ATXN7L1: variants seen among roughly 807,000 people sequenced by gnomAD.
ATXN7L1 encodes the protein ataxin 7 like 1.
A neutral mutation model predicts 70.8 loss-of-function variants in ATXN7L1; 15 were observed. The ratio of observed to expected loss-of-function variants is 0.21; its 90% CI spans 0.14 to 0.33. The LOEUF (loss-of-function observed/expected upper bound fraction) is 0.33, where lower values mean the gene tolerates loss of function less well. Among genes scored for constraint, ATXN7L1 ranks in the 10% least tolerant of loss-of-function variants. The pLI, the probability that ATXN7L1 is intolerant of heterozygous loss-of-function variation, is 1.00. For synonymous variants in ATXN7L1, 440 were observed against 445.1 expected (o/e 0.99, Z 0.14); for missense variants, 975 against 1,097.1 (o/e 0.89, Z 1.57).
intron 2 of ATXN7L1, among the ~76,000 whole-genome samples, chr7:105,824,251 C>G (rs1810548191): frequency 6.6e-6 from 1 of 152,078 alleles, no homozygotes; most frequent in African/African-American, 2.4e-5. Flanking sequence ...TACAATGGGC[C>G]ACCAGTAAAA....
intron 2 of ATXN7L1, among the ~76,000 whole-genome samples, chr7:105,854,589 G>A (rs959467734): frequency 3.3e-5 from 5 of 149,766 alleles, no homozygotes; most frequent in African/African-American, 9.8e-5. Context: ...CCTCAAAATT[G>A]CTTTCTTCTG....
At chr7:105,727,795 T>C (rs1196441173) in intron 3 of ATXN7L1, among the ~76,000 whole-genome samples, 53 of 104,304 alleles carry the variant, frequency 5.1e-4, no homozygotes, top group African/African-American at 1.7e-3. Context: ...CATACACACA[T>C]ATATATATGT....
intron 3 of ATXN7L1, chr7:105,788,258 G>C (rs966898266): frequency 2.6e-5 from 6 of 232,572 alleles, no homozygotes; most frequent in African/African-American, 8.8e-5. Flanking sequence ...CCTCTTTCAG[G>C]GGGAGAAAAT....
At chr7:105,727,894 A>G (rs1796100691) in intron 3 of ATXN7L1, among the ~76,000 whole-genome samples, 1 of 150,252 alleles carries the variant, frequency 6.7e-6, no homozygotes, top group Non-Finnish European at 1.5e-5. Context: ...GGACAGACAC[A>G]TCCCAGACTA....
At chr7:105,740,768 C>CTTTTTTTTTTTTTTTT (rs1563055385) in intron 3 of ATXN7L1, among the ~76,000 whole-genome samples, 1 of 98,242 alleles carries the variant, frequency 1.0e-5, no homozygotes, top group African/African-American at 5.5e-5. Context: ...TGGCTCCATT[C>CTTTTTTTTTTTTTTTT]ATTTTTTTTT....
chr7:105,610,502 GCCCC>G, intron 11 of ATXN7L1, 23 bp downstream of exon 11: 2 of 1,525,596 alleles, frequency 1.3e-6, no homozygotes, highest in Admixed American at 2.0e-5. Context: ...ATGAATTTTT[GCCCC>G]ACCCCCACCC....
At chr7:105,735,867 A>G (rs1391646345) in intron 3 of ATXN7L1, among the ~76,000 whole-genome samples, 1 of 152,196 alleles carries the variant, frequency 6.6e-6, no homozygotes, top group Non-Finnish European at 1.5e-5. Context: ...AATTAATCAA[A>G]TCTATATTAA....
chr7:105,736,591 A>G (rs992642037), intron 3 of ATXN7L1, among the ~76,000 whole-genome samples: 1 of 152,198 alleles, frequency 6.6e-6, no homozygotes, highest in Non-Finnish European at 1.5e-5. Context: ...GATCATGCCA[A>G]AGTTTGGGCA....
chr7:105,863,903 A>G (rs997045087), intron 2 of ATXN7L1, among the ~76,000 whole-genome samples: 1 of 126,662 alleles, frequency 7.9e-6, no homozygotes, highest in Admixed American at 7.9e-5. Flanking sequence ...GGCTGTGTTT[A>G]GCCCAAAAGG....
At chr7:105,652,935 G>A (rs1305253433) in intron 4 of ATXN7L1, among the ~76,000 whole-genome samples, 1 of 152,116 alleles carries the variant, frequency 6.6e-6, no homozygotes, top group Non-Finnish European at 1.5e-5. Flanking sequence ...CACTCACTCT[G>A]CTTTTTCCTT....
chr7:105,826,242 G>C (rs1459040876), intron 2 of ATXN7L1, among the ~76,000 whole-genome samples: 1 of 152,194 alleles, frequency 6.6e-6, no homozygotes, highest in Non-Finnish European at 1.5e-5. Context: ...CACATAAAAA[G>C]TTTAATAAGA....
At position 105,624,065 on chromosome 7, in the gene ATXN7L1, G is replaced by A; in HGVS notation, c.1395+10C>T. 2.9e-6 allele frequency: 4 copies of A among 1,401,402 alleles called. No individual in the cohort carries two copies. The highest frequency in any genetic ancestry group is 1.6e-5 in the South Asian group (1 of 61,502). The allele number at this position is 1,401,402 out of a possible 1,614,324, so 86.8% of individuals were successfully genotyped here. ...GAAGAACGCATGGCAAGGAACGGAA[G>A]GAGGCCTACCGCCAGAGGTCTGGGG... On this transcript the variant is annotated intron_variant, in intron 8 of 11. Coordinates refer to ENST00000419735, the MANE Select transcript of ATXN7L1 (RefSeq NM_020725.2).
chr7:105,654,617 CA>C (rs1800333343), intron 4 of ATXN7L1, among the ~76,000 whole-genome samples: 1 of 152,216 alleles, frequency 6.6e-6, no homozygotes, highest in South Asian at 2.1e-4. Flanking sequence ...TTATCTTCAC[CA>C]CAAAATAGTC....
At chr7:105,696,690 A>G (rs1489177292) in intron 3 of ATXN7L1, among the ~76,000 whole-genome samples, 1 of 152,260 alleles carries the variant, frequency 6.6e-6, no homozygotes, top group Non-Finnish European at 1.5e-5. Context: ...TAACCAAAGC[A>G]GTTCCACCAC....
chr7:105,746,214 GGTGTCCTGTTCCCACCCTTCCT>G (rs1563059545), intron 3 of ATXN7L1, among the ~76,000 whole-genome samples: 1 of 152,110 alleles, frequency 6.6e-6, no homozygotes, highest in African/African-American at 2.4e-5. Flanking sequence ...ACCTTGTGAC[GGTGTCCTGTTCCCACCCTTCCT>G]GTGTCTACAC....
At chr7:105,656,135 C>A (rs2116008822) in intron 4 of ATXN7L1, among the ~76,000 whole-genome samples, 1 of 152,336 alleles carries the variant, frequency 6.6e-6, no homozygotes, top group South Asian at 2.1e-4. Context: ...CATCAATTCG[C>A]CAGGCCAGAC....
At chr7:105,636,447 G>T (rs1217877493) in intron 7 of ATXN7L1, among the ~76,000 whole-genome samples, 3 of 139,470 alleles carry the variant, frequency 2.2e-5, no homozygotes, top group Admixed American at 1.5e-4. Flanking sequence ...GTGTTCCTCT[G>T]CCCCCCCCAC....
intron 2 of ATXN7L1, among the ~76,000 whole-genome samples, chr7:105,840,782 C>T (rs1049138913): frequency 6.6e-6 from 1 of 152,200 alleles, no homozygotes; most frequent in Admixed American, 6.5e-5. Context: ...AAGTAACTTA[C>T]CGGCGGTGAG....
chr7:105,642,763 C>T (rs1258626072), intron 5 of ATXN7L1, 75 bp downstream of exon 5: 1 of 1,446,194 alleles, frequency 6.9e-7, no homozygotes. Flanking sequence ...GATAACAGCA[C>T]ATCACTCCTT....
Sources: allele counts gnomAD v4.1 joint callset (sites outside exome capture counted in the v4.1 genomes callset), GRCh38; gene constraint gnomAD v4.1.1; transcripts MANE v1.5; gene names NCBI Gene and HGNC (gene_info 2026-07-23, HGNC 2026-07-21).